EPHB1: variants seen among roughly 807,000 people sequenced by gnomAD.
EPHB1 encodes EPH receptor B1, also known as ephrin type-B receptor 1.
Under a neutral mutation model 94.4 loss-of-function variants are expected in EPHB1, and 30 were observed. The ratio of observed to expected loss-of-function variants is 0.32; its 90% CI spans 0.24 to 0.43. The LOEUF (loss-of-function observed/expected upper bound fraction) is 0.43. Ranked by LOEUF, EPHB1 falls within the 20% of genes least tolerant of loss-of-function variation. The pLI is 1.00. For synonymous variants in EPHB1, 522 were observed against 489.1 expected, an observed-to-expected ratio of 1.07 and a Z score of -0.89; for missense variants, 1,055 against 1,308.3, an observed-to-expected ratio of 0.81 and a Z score of 2.99.
chr3:134,954,985 A>G (rs11925469), intron 3 of EPHB1, among the ~76,000 whole-genome samples: 139 of 145,536 alleles, frequency 9.6e-4, no homozygotes, highest in African/African-American at 3.2e-3. Flanking sequence ...AGCTATGGGG[A>G]GAACTTGCGC....
chr3:135,182,697 G>A (rs939181742), intron 10 of EPHB1, among the ~76,000 whole-genome samples: 2 of 150,532 alleles, frequency 1.3e-5, no homozygotes, highest in Non-Finnish European at 3.0e-5. Context: ...AAGTTTTTAT[G>A]AGGCGTATGA....
At chr3:135,115,992 G>A (rs1939686535) in intron 4 of EPHB1, among the ~76,000 whole-genome samples, 1 of 152,100 alleles carries the variant, frequency 6.6e-6, no homozygotes, top group Non-Finnish European at 1.5e-5. Flanking sequence ...GAGGCGGGTG[G>A]ATCACGAGGT....
intron 3 of EPHB1, among the ~76,000 whole-genome samples, chr3:135,010,385 T>A (rs1202801971): frequency 6.6e-6 from 1 of 152,062 alleles, no homozygotes; most frequent in Admixed American, 6.6e-5. Context: ...ACACAGGCAT[T>A]TTTTTTCTTA....
intron 1 of EPHB1, among the ~76,000 whole-genome samples, chr3:134,826,553 C>T (rs2036483388): frequency 6.6e-6 from 1 of 152,078 alleles, no homozygotes; most frequent in Admixed American, 6.5e-5. Context: ...TTTTTCAGGG[C>T]CCTAATCAGT....
intron 5 of EPHB1, among the ~76,000 whole-genome samples, chr3:135,140,812 A>G (rs537158204): frequency 6.6e-6 from 1 of 152,220 alleles, no homozygotes; most frequent in East Asian, 1.9e-4. Flanking sequence ...CCCCGCGCCT[A>G]TCATTTTCAC....
At chr3:134,933,599 G>A (rs1354917422) in intron 2 of EPHB1, among the ~76,000 whole-genome samples, 1 of 152,140 alleles carries the variant, frequency 6.6e-6, no homozygotes, top group Non-Finnish European at 1.5e-5. Context: ...CTTATAGCCA[G>A]GCACACATGA....
At chr3:134,811,242 G>GATTTTTTTTTTTTT (rs2036168294) in intron 1 of EPHB1, among the ~76,000 whole-genome samples, 1 of 73,850 alleles carries the variant, frequency 1.4e-5, no homozygotes, top group Admixed American at 2.0e-4. Flanking sequence ...TACTAAGAAG[G>GATTTTTTTTTTTTT]TTTTTTTTTT....
chr3:135,124,459 A>G (rs1373034791), intron 4 of EPHB1, among the ~76,000 whole-genome samples: 5 of 151,794 alleles, frequency 3.3e-5, no homozygotes, highest in Admixed American at 6.5e-5. Context: ...CATCATTACC[A>G]TATAACAATG....
Position 135,066,608 on chromosome 3 carries a change from C to T in EPHB1, c.806-39840C>T, listed in dbSNP as rs140986121. 2.2e-3 allele frequency among the ~76,000 whole-genome samples: 333 copies of T among 152,266 alleles called. 1 individual carries two copies. The highest frequency in any genetic ancestry group is 7.5e-3 in the African/African-American group (313 of 41,550). On this transcript the variant is annotated intron_variant, in intron 3 of 15. Transcript: ENST00000398015. ...ATATTTCTCCCTTCACTTCTTGTAT[C>T]ATTTTTTGGATTTCCTTGCACTGGG...
In EPHB1 at chr3:135,114,537, T is replaced by TAAAAAAAAA. The variant is rs56100882; in HGVS notation, c.961+7955_961+7963dup. On this transcript the variant is annotated intron_variant, in intron 4 of 15. Coordinates refer to ENST00000398015, the MANE Select transcript of EPHB1 (RefSeq NM_004441.5). The stretch of plus-strand genomic sequence containing the variant: ...CAATATGGTGAAACCCTGTCTCTAC[T>TAAAAAAAAA]AAAAAAAAAAAAAAAAAAAAAAAAA... Among the ~76,000 whole-genome samples, 112 of 37,152 alleles carry TAAAAAAAAA rather than the reference T, an allele frequency of 3.0e-3. 1 individual carries two copies. The highest frequency in any genetic ancestry group is 3.6e-3 in the Non-Finnish European group (78 of 21,682). The allele number at this position is 37,152 out of a possible 152,430, so 24.4% of individuals were successfully genotyped here. A position where few individuals can be genotyped will look rare whatever the true frequency, so the allele number is the denominator to read the frequency against.
intron 1 of EPHB1, among the ~76,000 whole-genome samples, chr3:134,848,443 C>T (rs1177572367): frequency 1.3e-5 from 2 of 152,284 alleles, no homozygotes; most frequent in East Asian, 1.9e-4. Flanking sequence ...ACAAAGATTG[C>T]TGATTAGGAT....
At chr3:135,087,158 G>T (rs891153562) in intron 3 of EPHB1, among the ~76,000 whole-genome samples, 1 of 152,190 alleles carries the variant, frequency 6.6e-6, no homozygotes, top group African/African-American at 2.4e-5. Context: ...ATTATTATTT[G>T]ATTCCCAAAT....
intron 1 of EPHB1, among the ~76,000 whole-genome samples, chr3:134,836,108 A>T (rs2036670168): frequency 6.6e-6 from 1 of 152,216 alleles, no homozygotes; most frequent in South Asian, 2.1e-4. Flanking sequence ...GCCCTCCCTC[A>T]TGGAGAGCTA....
chr3:135,169,022 T>G (rs1248844561), intron 9 of EPHB1, among the ~76,000 whole-genome samples: 4 of 152,126 alleles, frequency 2.6e-5, no homozygotes, highest in Non-Finnish European at 4.4e-5. Context: ...TTGTGCCCTT[T>G]CGGCTACTGC....
intron 1 of EPHB1, 41 bp downstream of exon 1, chr3:134,795,730 G>T: frequency 2.5e-6 from 4 of 1,594,850 alleles, no homozygotes; most frequent in Non-Finnish European, 3.4e-6. Context: ...GCTGGTGCCG[G>T]CCGCCTTGGG....
chr3:135,246,252 A>G (rs1426507644), intron 13 of EPHB1, among the ~76,000 whole-genome samples: 1 of 152,088 alleles, frequency 6.6e-6, no homozygotes, highest in African/African-American at 2.4e-5. Flanking sequence ...CCCTTATGCA[A>G]CCCAGAAGGA....
chr3:135,038,846 C>A (rs1405494130), intron 3 of EPHB1, among the ~76,000 whole-genome samples: 1 of 149,976 alleles, frequency 6.7e-6, no homozygotes, highest in African/African-American at 2.4e-5. Context: ...GAAGGGGACC[C>A]CAGCGGGTTG....
chr3:134,951,852 A>C lies in EPHB1; in HGVS notation c.605A>C (p.Asn202Thr). The change falls in exon 3 of 16, where the codon AAT becomes ACT. Residue 202 changes from asparagine (N) to threonine (T), a missense_variant. Coordinates refer to ENST00000398015, the MANE Select transcript of EPHB1 (RefSeq NM_004441.5). This position sits in a 1 kb window ranked among gnomAD's most constrained non-coding sequence, Gnocchi z 4.5. ...FFKKCPSIVQ[N>T]FAVFPETMTG... Reference sequence around the variant, plus strand: ...AAAAAGTGTCCCAGCATTGTGCAAAATTTTGCAGTGTTTCCAGAGACTATG... The same window carrying C: ...AAAAAGTGTCCCAGCATTGTGCAAACTTTTGCAGTGTTTCCAGAGACTATG... The C allele has an allele frequency of 6.2e-7, 1 of 1,613,924 alleles. No homozygotes were observed. Among genetic ancestry groups the C allele is most frequent in the Non-Finnish European group, 8.5e-7 (1 of 1,179,866 alleles).
intron 5 of EPHB1, among the ~76,000 whole-genome samples, chr3:135,150,985 G>T (rs1036233729): frequency 6.6e-6 from 1 of 152,162 alleles, no homozygotes; most frequent in South Asian, 2.1e-4. Flanking sequence ...CAAAACCCTT[G>T]TAGTCACTTG....
Sources: allele counts gnomAD v4.1 joint callset (sites outside exome capture counted in the v4.1 genomes callset), GRCh38; gene constraint gnomAD v4.1.1; non-coding constraint Gnocchi (gnomAD v3.1); transcripts MANE v1.5; gene names NCBI Gene and HGNC (gene_info 2026-07-23, HGNC 2026-07-21).